The following KCNMA1 variants were observed in gnomAD, a reference collection of about 807,000 sequenced individuals.
The protein encoded by KCNMA1 is Calcium-activated potassium channel subunit alpha-1.
KCNMA1 carries 29 observed loss-of-function variants against 140.0 expected under a neutral mutation model. The observed-to-expected ratio is 0.21, with a 90% confidence interval of 0.15 to 0.28. The LOEUF (loss-of-function observed/expected upper bound fraction) is 0.28, where lower values mean the gene tolerates loss of function less well. KCNMA1 is among the 10% of genes least tolerant of loss of function. The pLI, the probability that KCNMA1 is intolerant of heterozygous loss-of-function variation, is 1.00. For missense variants in KCNMA1, 880 were observed against 1,602.2 expected (o/e 0.55, Z 7.70); for synonymous variants, 612 against 611.9 (o/e 1.00, Z 0.00).
chr10:76,900,151 A>G (rs902997587), intron 25 of KCNMA1, among the ~76,000 whole-genome samples: 2 of 152,084 alleles, frequency 1.3e-5, no homozygotes, highest in African/African-American at 4.8e-5. Context: ...TTTTATTATT[A>G]AACTTTATAA....
At chr10:76,985,940 C>T (rs2081151260) in intron 19 of KCNMA1, among the ~76,000 whole-genome samples, 1 of 152,158 alleles carries the variant, frequency 6.6e-6, no homozygotes, top group Non-Finnish European at 1.5e-5. Flanking sequence ...TAAAAAAGTA[C>T]TCTAAAGAAT....
intron 1 of KCNMA1, among the ~76,000 whole-genome samples, chr10:77,409,092 C>T (rs190099726): frequency 6.6e-6 from 1 of 152,196 alleles, no homozygotes; most frequent in Non-Finnish European, 1.5e-5. Flanking sequence ...TGCCTTCTCC[C>T]CATTCCCTTT....
At chr10:76,877,119 A>C (rs1226901665), downstream of KCNMA1, 6 of 152,720 alleles carry the variant, frequency 3.9e-5, no homozygotes, top group African/African-American at 1.4e-4. Context: ...AACTACAAAA[A>C]TATGACTTTC....
intron 3 of KCNMA1, among the ~76,000 whole-genome samples, chr10:77,201,489 G>A (rs1220466646): frequency 6.6e-6 from 1 of 152,184 alleles, no homozygotes; most frequent in Non-Finnish European, 1.5e-5. Flanking sequence ...CCACCTTGCT[G>A]CACAGCAGAC....
chr10:77,310,760 A>G (rs534467073), intron 2 of KCNMA1, among the ~76,000 whole-genome samples: 3 of 152,160 alleles, frequency 2.0e-5, no homozygotes, highest in Non-Finnish European at 2.9e-5. Flanking sequence ...TGCGATTTTT[A>G]TAAGTAAGAG....
chr10:77,176,604 A>G (rs2098753366), intron 5 of KCNMA1, among the ~76,000 whole-genome samples: 2 of 152,278 alleles, frequency 1.3e-5, no homozygotes, highest in African/African-American at 4.8e-5. Flanking sequence ...CCCTGGAGCA[A>G]AGGACTCCAA....
intron 3 of KCNMA1, among the ~76,000 whole-genome samples, chr10:77,218,061 A>G (rs1438140401): frequency 6.6e-6 from 1 of 152,146 alleles, no homozygotes; most frequent in African/African-American, 2.4e-5. Flanking sequence ...ACCACTATTG[A>G]AGGAGATTAT....
chr10:77,485,205 C>T (rs1400440033), intron 1 of KCNMA1, among the ~76,000 whole-genome samples: 1 of 152,218 alleles, frequency 6.6e-6, no homozygotes, highest in East Asian at 1.9e-4. Flanking sequence ...TTTGTATGCC[C>T]ATCATGCACC....
chr10:77,531,479 T>C (rs2057594728), intron 1 of KCNMA1, among the ~76,000 whole-genome samples: 1 of 152,102 alleles, frequency 6.6e-6, no homozygotes, highest in South Asian at 2.1e-4. Flanking sequence ...TTATTCCCAC[T>C]CCAGGCAACG....
intron 2 of KCNMA1, among the ~76,000 whole-genome samples, chr10:77,300,689 A>T (rs1332945907): frequency 6.6e-6 from 1 of 152,204 alleles, no homozygotes; most frequent in Non-Finnish European, 1.5e-5. Context: ...ATGCATAGTA[A>T]TGGCTGCAAT....
intron 1 of KCNMA1, among the ~76,000 whole-genome samples, chr10:77,410,173 C>T (rs1281482725): frequency 1.3e-5 from 2 of 152,186 alleles, no homozygotes; most frequent in Non-Finnish European, 2.9e-5. Flanking sequence ...TGTCACCCTG[C>T]ACCCTAACAG....
At chr10:77,059,798 G>A (rs1185453477) in intron 14 of KCNMA1, among the ~76,000 whole-genome samples, 3 of 152,038 alleles carry the variant, frequency 2.0e-5, no homozygotes, top group Non-Finnish European at 2.9e-5. Context: ...GAAGACAGGT[G>A]ACAAAGAAAA....
chr10:77,017,394 T>C (rs11001972), intron 17 of KCNMA1, among the ~76,000 whole-genome samples: 3,942 of 152,210 alleles, frequency 0.026, 79 homozygotes, highest in Non-Finnish European at 0.042. Context: ...AGAGGGAAGG[T>C]TCAGTCCCAT....
chr10:77,284,827 C>G (rs1451658838), intron 2 of KCNMA1, among the ~76,000 whole-genome samples: 1 of 152,022 alleles, frequency 6.6e-6, no homozygotes, highest in Non-Finnish European at 1.5e-5. Context: ...CTCTGTTAAG[C>G]TGAAAATATT....
At chr10:77,583,648 C>G (rs1193916871) in intron 1 of KCNMA1, among the ~76,000 whole-genome samples, 1 of 152,226 alleles carries the variant, frequency 6.6e-6, no homozygotes, top group Non-Finnish European at 1.5e-5. Context: ...GCAAGTAAAG[C>G]AGGATTGAGC....
chr10:77,274,556 A>T (rs992636697), intron 2 of KCNMA1, among the ~76,000 whole-genome samples: 2 of 152,166 alleles, frequency 1.3e-5, no homozygotes, highest in Non-Finnish European at 2.9e-5. Flanking sequence ...TTTATTGCCC[A>T]ATAAAGCACA....
Position 77,086,517 on chromosome 10 carries a change from G to A in KCNMA1, c.1411C>T (p.Leu471Phe). 6.2e-7 allele frequency: 1 copy of A among 1,613,650 alleles called. No individual in the cohort carries two copies. Among genetic ancestry groups the A allele is most frequent in the Non-Finnish European group, 8.5e-7 (1 of 1,179,554 alleles). Residue 471 changes from leucine to phenylalanine, a missense_variant, in exon 11 of 28, where the codon CTC becomes TTC. Coordinates refer to ENST00000286628, the MANE Select transcript of KCNMA1 (RefSeq NM_001161352.2). ...ACTCTTGCAAGATCATGTGGATTGA[G>A]GACGGAACCCTGATAAAATTCCACC... ...TQVEFYQGSV[L>F]NPHDLARVKI...
At chr10:77,036,548 C>T (rs1377767173) in intron 15 of KCNMA1, among the ~76,000 whole-genome samples, 1 of 152,238 alleles carries the variant, frequency 6.6e-6, no homozygotes, top group East Asian at 1.9e-4. Context: ...CGCATAATTA[C>T]AGAAACTGCT....
chr10:77,122,932 A>C (rs2153956226), intron 5 of KCNMA1, among the ~76,000 whole-genome samples: 1 of 152,178 alleles, frequency 6.6e-6, no homozygotes, highest in African/African-American at 2.4e-5. Flanking sequence ...TAATCCCAGC[A>C]CTTTGGGAGG....
Sources: gnomAD v4.1 joint callset for allele counts (sites outside exome capture counted in the v4.1 genomes callset) on GRCh38, gnomAD v4.1.1 for gene constraint, MANE v1.5 for transcripts, NCBI Gene and HGNC (gene_info 2026-07-23, HGNC 2026-07-21) for gene names.